Variants in TMEM132C observed in about 807,000 individuals in gnomAD.
TMEM132C encodes protein phosphatase 1, regulatory subunit 152.
In TMEM132C, 29 loss-of-function variants were observed where a neutral mutation model predicts 61.4. The ratio of observed to expected loss-of-function variants is 0.47; its 90% CI spans 0.35 to 0.64. The LOEUF (loss-of-function observed/expected upper bound fraction) is 0.64, where lower values mean the gene tolerates loss of function less well. Ranked by LOEUF, TMEM132C falls within the 30% of genes least tolerant of loss-of-function variation. TMEM132C has a pLI of 0.00. For synonymous variants in TMEM132C, 656 were observed against 633.1 expected, an observed-to-expected ratio of 1.04 and a Z score of -0.54; for missense variants, 1,408 against 1,476.9, an observed-to-expected ratio of 0.95 and a Z score of 0.76.
At chr12:128,627,923 C>G (rs1181822115) in intron 4 of TMEM132C, among the ~76,000 whole-genome samples, 1 of 152,222 alleles carries the variant, frequency 6.6e-6, no homozygotes, top group African/African-American at 2.4e-5. Context: ...GGCCACGGAG[C>G]TGCTGCTGCA....
intron 5 of TMEM132C, among the ~76,000 whole-genome samples, chr12:128,686,805 G>A (rs1456326275): frequency 3.3e-5 from 5 of 152,182 alleles, no homozygotes; most frequent in East Asian, 1.9e-4. Context: ...CACATAAAGC[G>A]AGCAGGTAAA....
In TMEM132C at chr12:128,474,936, C is replaced by T. The variant is rs189719268; in HGVS notation, c.974+59316C>T. Among the ~76,000 whole-genome samples the T allele has an allele frequency of 1.1e-3, 174 of 152,240 alleles. 4 individuals carry two copies. The East Asian group carries it at 0.026, about 23-fold the overall frequency. ...TATGTGACCAGTTATCAGACATTCC[C>T]GACAGTGCCCCCTTTGGAATACTTC... is the stretch of plus-strand genomic sequence containing the variant. On this transcript the variant is annotated intron_variant, in intron 2 of 8. Transcript: ENST00000435159.
Position 128,302,142 on chromosome 12 carries a change from A to G in TMEM132C, c.85+34655A>G, listed in dbSNP as rs115087990. ...AGTTATAAATGGCTAAAGTCTGTCG[A>G]GTGTGTCAGATGGTCACTCACCTTT... On this transcript the variant is annotated intron_variant, in intron 1 of 8. Coordinates refer to ENST00000435159, the MANE Select transcript of TMEM132C (RefSeq NM_001136103.3). Among the ~76,000 whole-genome samples the G allele has an allele frequency of 4.7e-3, 719 of 152,296 alleles. 8 individuals carry two copies. The highest frequency in any genetic ancestry group is 0.016 in the African/African-American group (680 of 41,560).
chr12:128,524,689 G>C lies in TMEM132C; in HGVS notation c.975-19268G>C, dbSNP rs1225814767. Among the ~76,000 whole-genome samples, 3 of 152,214 alleles carry C rather than the reference G, an allele frequency of 2.0e-5. No individual in the cohort carries two copies. In the East Asian group the frequency reaches 5.8e-4, roughly 29 times the overall value. ...GAAATGTGCTTCTGAAGCAGGCTTT[G>C]GGATCGATGGGTTTCTCTGCTCTCA... On this transcript the variant is annotated intron_variant, in intron 2 of 8. Coordinates refer to ENST00000435159, the MANE Select transcript of TMEM132C (RefSeq NM_001136103.3).
chr12:128,510,385 A>G (rs1872529212), intron 2 of TMEM132C, among the ~76,000 whole-genome samples: 1 of 152,186 alleles, frequency 6.6e-6, no homozygotes, highest in African/African-American at 2.4e-5. Context: ...GGCCAGGGAC[A>G]GGATTTGCCA....
intron 1 of TMEM132C, among the ~76,000 whole-genome samples, chr12:128,362,698 A>G (rs946146249): frequency 7.9e-5 from 12 of 152,358 alleles, no homozygotes; most frequent in African/African-American, 2.4e-4. Flanking sequence ...TTTGAATATC[A>G]TATCAGTGCT....
At chr12:128,444,999 G>A (rs373824516) in intron 2 of TMEM132C, among the ~76,000 whole-genome samples, 2 of 152,094 alleles carry the variant, frequency 1.3e-5, no homozygotes, top group Admixed American at 1.3e-4. Context: ...CTTTCCCGCC[G>A]TTGGGGTTAA....
At chr12:128,665,644 C>CACACA (rs1210068264) in intron 4 of TMEM132C, among the ~76,000 whole-genome samples, 4 of 145,186 alleles carry the variant, frequency 2.8e-5, no homozygotes, top group Admixed American at 6.7e-5. Context: ...CACACACACA[C>CACACA]CCAGGCACAT....
intron 1 of TMEM132C, among the ~76,000 whole-genome samples, chr12:128,308,927 TGATGGAAAGCGTTTTC>T (rs1445512359): frequency 6.6e-6 from 1 of 152,164 alleles, no homozygotes; most frequent in Non-Finnish European, 1.5e-5. Context: ...TTTAAAAATG[TGATGGAAAGCGTTTTC>T]TTCCAGTGGT....
chr12:128,516,235 C>T (rs901939192), intron 2 of TMEM132C, among the ~76,000 whole-genome samples: 14 of 151,976 alleles, frequency 9.2e-5, no homozygotes, highest in East Asian at 1.9e-4. Context: ...GAGCCAAACA[C>T]GAGACACAGT....
chr12:128,598,584 T>G (rs1876052977), intron 3 of TMEM132C, among the ~76,000 whole-genome samples: 1 of 151,988 alleles, frequency 6.6e-6, no homozygotes, highest in Non-Finnish European at 1.5e-5. Context: ...CCCAGACCAG[T>G]GATCTTCTTT....
intron 1 of TMEM132C, among the ~76,000 whole-genome samples, chr12:128,365,909 C>T (rs1364889053): frequency 1.3e-5 from 2 of 152,172 alleles, no homozygotes; most frequent in East Asian, 1.9e-4. Flanking sequence ...GATTTATACG[C>T]GCAGGCTTGT....
intron 4 of TMEM132C, among the ~76,000 whole-genome samples, chr12:128,648,712 C>G (rs1954236709): frequency 6.8e-6 from 1 of 146,826 alleles, no homozygotes; most frequent in African/African-American, 2.5e-5. Context: ...TTAGCTCAGT[C>G]CATCAGCGTT....
At chr12:128,661,522 T>C (rs974050002) in intron 4 of TMEM132C, among the ~76,000 whole-genome samples, 1 of 149,356 alleles carries the variant, frequency 6.7e-6, no homozygotes, top group Admixed American at 6.7e-5. Context: ...GTGTACCCTC[T>C]CAACCCAGCA....
chr12:128,480,986 C>A (rs1871300539), intron 2 of TMEM132C, among the ~76,000 whole-genome samples: 2 of 152,212 alleles, frequency 1.3e-5, no homozygotes, highest in African/African-American at 4.8e-5. Context: ...GCTCCTTGCA[C>A]TGTTCCCAGC....
At chr12:128,308,870 C>T (rs1046046421) in intron 1 of TMEM132C, among the ~76,000 whole-genome samples, 2 of 152,132 alleles carry the variant, frequency 1.3e-5, no homozygotes, top group Admixed American at 6.5e-5. Flanking sequence ...ATTAGCTCTC[C>T]GGTTCAGTTA....
intron 5 of TMEM132C, among the ~76,000 whole-genome samples, chr12:128,675,239 C>A (rs1015683855): frequency 2.6e-5 from 4 of 152,046 alleles, no homozygotes; most frequent in Non-Finnish European, 5.9e-5. Context: ...GGACTCACAG[C>A]CAAACAGAAG....
chr12:128,521,018 T>A (rs1872888056), intron 2 of TMEM132C, among the ~76,000 whole-genome samples: 1 of 151,486 alleles, frequency 6.6e-6, no homozygotes, highest in East Asian at 2.0e-4. Flanking sequence ...TAAGGTGCAC[T>A]CCCAGGTTTA....
At chr12:128,557,005 C>T (rs1437791364) in intron 3 of TMEM132C, among the ~76,000 whole-genome samples, 1 of 152,190 alleles carries the variant, frequency 6.6e-6, no homozygotes, top group Admixed American at 6.5e-5. Context: ...AAGTGAAAAA[C>T]AGGGGAACTC....
Sources: allele counts gnomAD v4.1 joint callset (sites outside exome capture counted in the v4.1 genomes callset), GRCh38; gene constraint gnomAD v4.1.1; transcripts MANE v1.5; gene names NCBI Gene and HGNC (gene_info 2026-07-23, HGNC 2026-07-21).